The following LARGE1 variants were observed in gnomAD, a reference collection of about 807,000 sequenced individuals.
LARGE1 encodes LARGE xylosyl- and glucuronyltransferase 1.
Under a neutral mutation model 87.6 loss-of-function variants are expected in LARGE1, and 43 were observed. The observed-to-expected ratio is 0.49, with a 90% CI of 0.38 to 0.63. The LOEUF (loss-of-function observed/expected upper bound fraction) is 0.63. LARGE1 is among the 30% of genes least tolerant of loss of function. The pLI is 0.00. For synonymous variants in LARGE1, 434 were observed against 394.6 expected (o/e 1.10, Z -1.18); for missense variants, 802 against 1,000.2 (o/e 0.80, Z 2.67).
At chr22:33,513,812 T>C (rs1602198032) in intron 6 of LARGE1, among the ~76,000 whole-genome samples, 1 of 143,284 alleles carries the variant, frequency 7.0e-6, no homozygotes, top group South Asian at 2.3e-4. Flanking sequence ...AGAGCTGATG[T>C]ACACACACAC....
chr22:33,328,528 G>A (rs8137330), intron 10 of LARGE1, among the ~76,000 whole-genome samples: 42,932 of 151,526 alleles, frequency 0.28, 6,814 homozygotes, highest in Non-Finnish European at 0.37. Context: ...GCAGTGAGCC[G>A]ACATTGTGCC....
At chr22:33,677,452 A>G (rs1300925152) in intron 2 of LARGE1, among the ~76,000 whole-genome samples, 3 of 152,238 alleles carry the variant, frequency 2.0e-5, no homozygotes, top group Admixed American at 2.0e-4. Context: ...TTATCTCTCC[A>G]TATTTATCTC....
intron 6 of LARGE1, among the ~76,000 whole-genome samples, chr22:33,533,864 A>C (rs1334304615): frequency 6.7e-6 from 1 of 148,832 alleles, no homozygotes; most frequent in East Asian, 1.9e-4. Context: ...TAGCTGTTTC[A>C]TCTTTCTTAG....
intron 11 of LARGE1, among the ~76,000 whole-genome samples, chr22:33,232,860 T>C (rs1285843418): frequency 6.6e-6 from 1 of 152,100 alleles, no homozygotes; most frequent in Admixed American, 6.6e-5. Context: ...AGTTAGTGCT[T>C]CAAAATGATG....
Position 33,650,348 on chromosome 22 carries a change from G to A in LARGE1, c.408+19C>T, listed in dbSNP as rs1405646377. 6.2e-7 allele frequency: 1 copy of A among 1,613,856 alleles called. No homozygotes were observed. The highest frequency in any genetic ancestry group is 1.3e-5 in the African/African-American group (1 of 75,056). ...GGGACTTTGGACAACTTCCTCCCCA[G>A]GCTCCAGATGCCCTTTACCTCGCAT... On this transcript the variant is annotated intron_variant, in intron 3 of 14. Coordinates refer to ENST00000397394, the MANE Select transcript of LARGE1 (RefSeq NM_133642.5).
intron 9 of LARGE1, among the ~76,000 whole-genome samples, chr22:33,358,004 AGAGT>A (rs1452359401): frequency 6.6e-6 from 1 of 152,050 alleles, no homozygotes; most frequent in Non-Finnish European, 1.5e-5. Context: ...AGCCTGGCCC[AGAGT>A]GGGTGCTCTG....
At position 33,249,119 on chromosome 22, in the gene LARGE1, A is replaced by G. The variant is rs543041117; in HGVS notation, c.1730+55110T>C. Among the ~76,000 whole-genome samples the G allele has an allele frequency of 3.9e-5, 6 of 152,294 alleles. No individual in the cohort carries two copies. The East Asian group carries it at 1.2e-3, about 29-fold the overall frequency. On this transcript the variant is annotated intron_variant, in intron 11 of 11. Transcript: ENST00000608642. ...ACATGATAAGAGTGTGTTTAGTTTT[A>G]TAAGAGGCTGTCAAACTGTCAAATC...
At chr22:33,445,018 C>T (rs1197415241) in intron 6 of LARGE1, among the ~76,000 whole-genome samples, 1 of 152,068 alleles carries the variant, frequency 6.6e-6, no homozygotes, top group South Asian at 2.1e-4. Context: ...TTGGTAGAGA[C>T]GCGGTTTCGC....
intron 1 of LARGE1, among the ~76,000 whole-genome samples, chr22:33,907,506 T>C (rs1432299133): frequency 6.6e-6 from 1 of 152,030 alleles, no homozygotes; most frequent in African/African-American, 2.4e-5. Flanking sequence ...GTTCTTCAAG[T>C]CCTCCTACCT....
intron 5 of LARGE1, among the ~76,000 whole-genome samples, chr22:33,576,300 G>GTTCA (rs1444414919): frequency 6.6e-6 from 1 of 152,186 alleles, no homozygotes; most frequent in Non-Finnish European, 1.5e-5. Flanking sequence ...CACCTGCTTC[G>GTTCA]TTCATTCATT....
chr22:33,652,768 C>T (rs145476329), intron 2 of LARGE1, among the ~76,000 whole-genome samples: 206 of 152,284 alleles, frequency 1.4e-3, no homozygotes, highest in African/African-American at 4.8e-3. Flanking sequence ...GTGCTTGTGT[C>T]GGCCTCTGCC....
At chr22:33,825,805 A>T (rs1278767158) in intron 1 of LARGE1, among the ~76,000 whole-genome samples, 1 of 152,176 alleles carries the variant, frequency 6.6e-6, no homozygotes, top group Non-Finnish European at 1.5e-5. Flanking sequence ...ACTACCCATC[A>T]ATCCTGACTC....
intron 5 of LARGE1, among the ~76,000 whole-genome samples, chr22:33,603,433 G>T (rs530709038): frequency 2.0e-4 from 31 of 152,140 alleles, no homozygotes; most frequent in Non-Finnish European, 3.8e-4. Context: ...ATATAGAAAA[G>T]AATAAGATGC....
chr22:33,756,218 G>A (rs1036071293), intron 2 of LARGE1, among the ~76,000 whole-genome samples: 12 of 152,080 alleles, frequency 7.9e-5, no homozygotes, highest in Admixed American at 2.0e-4. Flanking sequence ...ACTCAAAGTC[G>A]GAGGAGGGCA....
chr22:33,410,462 G>A (rs2066270211), intron 7 of LARGE1, among the ~76,000 whole-genome samples: 1 of 152,070 alleles, frequency 6.6e-6, no homozygotes, highest in African/African-American at 2.4e-5. Context: ...TCTCGTGACA[G>A]TGAGTGAGTT....
At chr22:33,600,273 C>T (rs185776028) in intron 5 of LARGE1, among the ~76,000 whole-genome samples, 2 of 152,286 alleles carry the variant, frequency 1.3e-5, no homozygotes, top group East Asian at 1.9e-4. Context: ...TTTTAGCACA[C>T]ATCTATAAAG....
intron 6 of LARGE1, among the ~76,000 whole-genome samples, chr22:33,556,516 A>AAGGGAGGGAGGGAGGGAGGGAGGGAGGG: frequency 1.3e-5 from 1 of 78,988 alleles, no homozygotes; most frequent in African/African-American, 6.0e-5. Context: ...AGAAGGAAGG[A>AAGGGAGGGAGGGAGGGAGGGAGGGAGGG]AGGGAGGGAG....
chr22:33,507,845 G>A (rs566455790), intron 6 of LARGE1, among the ~76,000 whole-genome samples: 1 of 152,178 alleles, frequency 6.6e-6, no homozygotes, highest in South Asian at 2.1e-4. Context: ...TGTGGTACCA[G>A]AATTACATAC....
rs1160969934 is a variant in LARGE1, at chr22:33,199,850, T to C, written c.1731-33018A>G. 3.3e-5 allele frequency among the ~76,000 whole-genome samples: 5 copies of C among 151,830 alleles called. No individual in the cohort carries two copies. The East Asian group carries it at 7.8e-4, about 24-fold the overall frequency. ...GCCTGGTACGTGCAGACACTTTTTTTTTTTTTTCTTTTTTTTTGAGACGGA... is the reference window on the plus strand; with the variant it reads ...GCCTGGTACGTGCAGACACTTTTTTCTTTTTTTCTTTTTTTTTGAGACGGA... On this transcript the variant is annotated intron_variant, in intron 11 of 11. Coordinates refer to the LARGE1 transcript ENST00000608642.
Sources: allele counts gnomAD v4.1 joint callset (sites outside exome capture counted in the v4.1 genomes callset), GRCh38; gene constraint gnomAD v4.1.1; transcripts MANE v1.5; gene names NCBI Gene and HGNC (gene_info 2026-07-23, HGNC 2026-07-21).